Variants in MAPK9 observed in about 807,000 individuals in gnomAD.
MAPK9 encodes Jun kinase.
MAPK9 carries 30 observed loss-of-function variants against 57.1 expected under a neutral mutation model. The observed-to-expected ratio is 0.53, with a 90% CI of 0.39 to 0.71. The LOEUF is 0.71. Ranked by LOEUF, MAPK9 falls within the 30% of genes least tolerant of loss-of-function variation. MAPK9 has a pLI of 0.00. For synonymous variants in MAPK9, 155 were observed against 177.0 expected, an observed-to-expected ratio of 0.88 and a Z score of 0.99; for missense variants, 362 against 521.0, an observed-to-expected ratio of 0.69 and a Z score of 2.97.
intron 1 of MAPK9, among the ~76,000 whole-genome samples, chr5:180,290,413 G>C (rs1183198860): frequency 6.6e-6 from 1 of 152,116 alleles, no homozygotes; most frequent in East Asian, 1.9e-4. Context: ...CTATAGCAAG[G>C]GTTGTACAGT....
chr5:180,252,995 T>A (rs546911745), intron 5 of MAPK9, among the ~76,000 whole-genome samples: 2 of 152,280 alleles, frequency 1.3e-5, no homozygotes, highest in East Asian at 3.9e-4. Flanking sequence ...CAGGGTGGAC[T>A]GTGGGGTCCA....
intron 2 of MAPK9, among the ~76,000 whole-genome samples, chr5:180,270,251 A>G (rs947993138): frequency 4.6e-5 from 7 of 152,200 alleles, no homozygotes. Context: ...TCTTTATTCC[A>G]TTGAGTTTAT....
intron 5 of MAPK9, among the ~76,000 whole-genome samples, chr5:180,251,247 G>A (rs1758659729): frequency 6.6e-6 from 1 of 152,106 alleles, no homozygotes; most frequent in Non-Finnish European, 1.5e-5. Flanking sequence ...CACTTCCCCA[G>A]CCAGCAGGCC....
chr5:180,253,963 C>CT (rs5873681), intron 5 of MAPK9, among the ~76,000 whole-genome samples: 41,718 of 107,660 alleles, frequency 0.39, 9,490 homozygotes, highest in African/African-American at 0.42. Context: ...GCTTCAATCT[C>CT]TTTTTTTTTT....
In MAPK9 at chr5:180,280,594, G is replaced by A. The variant is rs769337226; in HGVS notation, c.-33C>T. On this transcript the variant is annotated 5_prime_UTR_variant, in exon 2 of 12. Transcript: ENST00000452135. The stretch of plus-strand genomic sequence containing the variant: ...CGTCCTGCAATATCCCGAAGGGTGG[G>A]CAAGTTTCAGATCCCTTCAAAGAAA... 1.9e-6 allele frequency: 3 copies of A among 1,601,758 alleles called. No homozygotes were observed. The highest frequency in any genetic ancestry group is 2.2e-5 in the East Asian group (1 of 44,646).
chr5:180,284,063 C>A (rs1762533697), intron 1 of MAPK9, among the ~76,000 whole-genome samples: 1 of 152,164 alleles, frequency 6.6e-6, no homozygotes, highest in Admixed American at 6.5e-5. Context: ...TTTGTGAGAG[C>A]AAGAGAAAGA....
At chr5:180,289,336 G>A (rs731918) in intron 1 of MAPK9, among the ~76,000 whole-genome samples, 77,257 of 151,862 alleles carry the variant, frequency 0.51, 20,100 homozygotes, top group African/African-American at 0.63. Context: ...AAATTAAATT[G>A]CCAGGAAAAT....
At chr5:180,275,159 G>A (rs1287592122) in intron 2 of MAPK9, among the ~76,000 whole-genome samples, 2 of 152,080 alleles carry the variant, frequency 1.3e-5, no homozygotes, top group African/African-American at 4.8e-5. Flanking sequence ...TTTTATTCAT[G>A]TTGTCATATC....
At chr5:180,279,759 G>T (rs1455544267) in intron 2 of MAPK9, 1 of 443,530 alleles carries the variant, frequency 2.3e-6, no homozygotes, top group Non-Finnish European at 4.6e-6. Flanking sequence ...GGGAAGTGCT[G>T]ATAGCTGCAG....
Position 180,242,557 on chromosome 5 carries a change from A to T in MAPK9, c.871+16T>A. The T allele has an allele frequency of 6.3e-7, 1 of 1,598,422 alleles. No homozygotes were observed. Among genetic ancestry groups the T allele is most frequent in the Non-Finnish European group, 8.5e-7 (1 of 1,170,100 alleles). The stretch of plus-strand genomic sequence containing the variant: ...GAATTACAAAACACAAGTATAAGAA[A>T]AAAAGGATATCTTACTTTTTATTTT... On this transcript the variant is annotated intron_variant, in intron 8 of 11. Coordinates refer to ENST00000452135, the MANE Select transcript of MAPK9 (RefSeq NM_002752.5).
chr5:180,247,430 G>A lies in MAPK9; in HGVS notation c.688+9C>T, dbSNP rs758019397. On this transcript the variant is annotated intron_variant, in intron 7 of 11. Transcript: ENST00000452135. This position sits in a 1 kb window ranked among gnomAD's most constrained non-coding sequence, Gnocchi z 4.5. ...AGCATGGCGGGGCCAAGGTCGCGGG[G>A]AAGGATACGGTCAGTGCCTTGGAAT... is the stretch of plus-strand genomic sequence containing the variant. The A allele has an allele frequency of 1.1e-5, 17 of 1,614,172 alleles. No individual in the cohort carries two copies. Among genetic ancestry groups the A allele is most frequent in the Non-Finnish European group, 1.4e-5 (17 of 1,180,042 alleles).
intron 2 of MAPK9, among the ~76,000 whole-genome samples, chr5:180,276,706 T>G (rs1761850443): frequency 6.6e-6 from 1 of 152,002 alleles, no homozygotes; most frequent in African/African-American, 2.4e-5. Flanking sequence ...TACAAAAAAT[T>G]AGCTGGGCGT....
rs10479467 is a variant in MAPK9 at position 180,282,235 on chromosome 5, C to T, written c.-47-1627G>A. 9.7e-3 allele frequency among the ~76,000 whole-genome samples: 1,479 copies of T among 152,292 alleles called. 23 individuals are homozygous for T. The highest frequency in any genetic ancestry group is 0.034 in the African/African-American group (1,415 of 41,544). On this transcript the variant is annotated intron_variant, in intron 1 of 11. Coordinates refer to ENST00000452135, the MANE Select transcript of MAPK9 (RefSeq NM_002752.5). The stretch of plus-strand genomic sequence containing the variant: ...ACTGATATCTAAAGGAAGATCCTTT[C>T]TAAAGATTAGCTTATTTACAGTTTG...
chr5:180,236,114 G>T lies in MAPK9; in HGVS notation c.*270C>A. The T allele has an allele frequency of 3.6e-6, 1 of 274,578 alleles. No homozygotes were observed. The highest frequency in any genetic ancestry group is 6.7e-5 in the East Asian group (1 of 14,926). 17.0% of individuals were successfully genotyped at this position (274,578 alleles called of 1,614,324 possible). A position where few individuals can be genotyped will look rare whatever the true frequency, so the allele number is the denominator to read the frequency against. The stretch of plus-strand genomic sequence containing the variant: ...TGAGAAACTGTCACTAGTACAATTT[G>T]AAACAAATTCACCTACTCTAACTGC... On this transcript the variant is annotated 3_prime_UTR_variant, in exon 12 of 12. Coordinates refer to ENST00000452135, the MANE Select transcript of MAPK9 (RefSeq NM_002752.5).
chr5:180,263,707 T>TC (rs386405824), intron 4 of MAPK9, among the ~76,000 whole-genome samples: 2 of 800 alleles, frequency 2.5e-3, no homozygotes, highest in Non-Finnish European at 6.0e-3. Context: ...CACCAAATTC[T>TC]TTTTTTTTTT....
intron 5 of MAPK9, among the ~76,000 whole-genome samples, chr5:180,250,134 C>T (rs531605237): frequency 2.5e-4 from 38 of 152,310 alleles, no homozygotes; most frequent in African/African-American, 8.7e-4. Flanking sequence ...CTCTTCCCTC[C>T]CCAGTGCTGA....
intron 5 of MAPK9, among the ~76,000 whole-genome samples, chr5:180,252,847 G>C (rs1279674585): frequency 2.0e-5 from 3 of 151,192 alleles, no homozygotes; most frequent in African/African-American, 7.3e-5. Context: ...GAAAGAGCCA[G>C]CAGAGAGACC....
intron 9 of MAPK9, 40 bp from the exon 10 acceptor site, chr5:180,240,027 CA>C (rs750680072): frequency 4.9e-4 from 715 of 1,457,408 alleles, no homozygotes; most frequent in Admixed American, 5.6e-4. Context: ...AGTAATGCCT[CA>C]AAAAAAAATG....
chr5:180,268,025 C>T lies in MAPK9; in HGVS notation c.252+1255G>A, dbSNP rs528403627. 4.3e-4 allele frequency among the ~76,000 whole-genome samples: 65 copies of T among 152,102 alleles called. 1 individual carries two copies. Among genetic ancestry groups the T allele is most frequent in the Admixed American group, 3.5e-3 (54 of 15,260 alleles). ...CTTTTTAGTAGAGATGGGGTTTCACCATGTTAGCCAGGATGGTCTCTATCT... is the reference window on the plus strand; with the variant it reads ...CTTTTTAGTAGAGATGGGGTTTCACTATGTTAGCCAGGATGGTCTCTATCT... On this transcript the variant is annotated intron_variant, in intron 3 of 11. Transcript: ENST00000452135.
Sources: allele counts gnomAD v4.1 joint callset (sites outside exome capture counted in the v4.1 genomes callset), GRCh38; gene constraint gnomAD v4.1.1; non-coding constraint Gnocchi (gnomAD v3.1); transcripts MANE v1.5; gene names NCBI Gene and HGNC (gene_info 2026-07-23, HGNC 2026-07-21).